The following ASTN2 variants were observed in gnomAD, a reference collection of about 807,000 sequenced individuals.
ASTN2 encodes the protein astrotactin-2.
In ASTN2, 54 loss-of-function variants were observed where a neutral mutation model predicts 139.8. The observed-to-expected ratio is 0.39, with a 90% CI of 0.31 to 0.48. The LOEUF is 0.48. Ranked by LOEUF, ASTN2 falls within the 20% of genes least tolerant of loss-of-function variation. The probability of loss-of-function intolerance (pLI) is 0.95; values close to 1 mark genes in which losing one functional copy is unlikely to be tolerated. For missense variants in ASTN2, 1,565 were observed against 1,725.1 expected (o/e 0.91, Z 1.64); for synonymous variants, 756 against 719.5 (o/e 1.05, Z -0.81).
At chr9:116,695,485 G>T (rs915676008) in intron 16 of ASTN2, among the ~76,000 whole-genome samples, 2 of 152,184 alleles carry the variant, frequency 1.3e-5, no homozygotes, top group African/African-American at 4.8e-5. Context: ...TTGTTGTAAT[G>T]TATATCTCTA....
chr9:117,072,251 C>A (rs1828156867), intron 5 of ASTN2, among the ~76,000 whole-genome samples: 1 of 152,168 alleles, frequency 6.6e-6, no homozygotes, highest in Non-Finnish European at 1.5e-5. Flanking sequence ...AGCACACATC[C>A]TTGAATTTAT....
intron 13 of ASTN2, among the ~76,000 whole-genome samples, chr9:116,766,956 C>T (rs1013066427): frequency 8.6e-5 from 13 of 151,874 alleles, no homozygotes; most frequent in Non-Finnish European, 1.5e-4. Flanking sequence ...TACACCTAAA[C>T]ACAGTAACAT....
At chr9:116,915,227 TA>T (rs1310214953) in intron 10 of ASTN2, among the ~76,000 whole-genome samples, 1 of 152,224 alleles carries the variant, frequency 6.6e-6, no homozygotes, top group Non-Finnish European at 1.5e-5. Context: ...CTAGACTCCC[TA>T]AAAGACCAAA....
intron 13 of ASTN2, among the ~76,000 whole-genome samples, chr9:116,756,466 G>A (rs1185435520): frequency 1.3e-5 from 2 of 152,030 alleles, no homozygotes; most frequent in East Asian, 1.9e-4. Context: ...TTCTCAATAA[G>A]TAATATTAAT....
intron 1 of ASTN2, among the ~76,000 whole-genome samples, chr9:117,344,673 A>G (rs1829161850): frequency 6.6e-6 from 1 of 152,046 alleles, no homozygotes; most frequent in Non-Finnish European, 1.5e-5. Flanking sequence ...CTCCTCAATG[A>G]TTTATTTTGT....
intron 10 of ASTN2, among the ~76,000 whole-genome samples, chr9:116,936,576 T>G (rs754495804): frequency 2.6e-5 from 4 of 152,210 alleles, no homozygotes; most frequent in Non-Finnish European, 5.9e-5. Context: ...TTTATTAGAT[T>G]GCTGAAACTG....
intron 18 of ASTN2, 149 bp from the exon 19 acceptor site, chr9:116,618,621 C>T: frequency 2.3e-6 from 2 of 880,028 alleles, no homozygotes; most frequent in Admixed American, 6.5e-5. Context: ...TGACCGTAGG[C>T]AAGTTATTTC....
At chr9:117,016,645 T>C (rs1287677708) in intron 6 of ASTN2, among the ~76,000 whole-genome samples, 11 of 22,014 alleles carry the variant, frequency 5.0e-4, no homozygotes, top group East Asian at 1.6e-3. Context: ...TATATATATA[T>C]ATATATATAT....
intron 1 of ASTN2, among the ~76,000 whole-genome samples, chr9:117,309,630 C>T (rs1827905746): frequency 6.6e-6 from 1 of 152,112 alleles, no homozygotes; most frequent in Non-Finnish European, 1.5e-5. Flanking sequence ...ATTAGCAATC[C>T]TAATTTACAG....
At position 117,120,049 on chromosome 9, in the gene ASTN2, T is replaced by TATATATATATATATATATATAC. The variant is rs1433485798; in HGVS notation, c.1168+21276_1168+21277insGTATATATATATATATATATAT. 8.0e-4 allele frequency among the ~76,000 whole-genome samples: 103 copies of TATATATATATATATATATATAC among 129,296 alleles called. 5 individuals are homozygous for TATATATATATATATATATATAC. Among genetic ancestry groups the TATATATATATATATATATATAC allele is most frequent in the African/African-American group, 3.0e-3 (96 of 31,726 alleles). The allele number at this position is 129,296 out of a possible 152,430, so 84.8% of individuals were successfully genotyped here. ...ATATATATATATATATATATATATA[T>TATATATATATATATATATATAC]ACCCTGAGTATATATACTCAGAGAT... On this transcript the variant is annotated intron_variant, in intron 4 of 22. Transcript: ENST00000313400.
At chr9:116,551,118 T>C (rs566440528) in intron 19 of ASTN2, 1 of 152,246 alleles carries the variant, frequency 6.6e-6, no homozygotes, top group African/African-American at 2.4e-5. Context: ...TTAGTAGACA[T>C]AAAAATCACC....
intron 20 of ASTN2, among the ~76,000 whole-genome samples, chr9:116,455,532 T>G (rs1464181353): frequency 1.3e-5 from 2 of 152,020 alleles, no homozygotes; most frequent in African/African-American, 4.8e-5. Flanking sequence ...AATATAAACA[T>G]AAGACTATTC....
At chr9:116,621,414 TACACAC>T (rs56109422) in intron 17 of ASTN2, among the ~76,000 whole-genome samples, 3 of 142,258 alleles carry the variant, frequency 2.1e-5, no homozygotes, top group East Asian at 2.2e-4. Context: ...TTAAAACACA[TACACAC>T]ACACACACAC....
chr9:117,338,061 T>C (rs988626794), intron 1 of ASTN2, among the ~76,000 whole-genome samples: 1 of 152,244 alleles, frequency 6.6e-6, no homozygotes, highest in Non-Finnish European at 1.5e-5. Flanking sequence ...CGCATTTATC[T>C]ATCTACAACT....
intron 10 of ASTN2, among the ~76,000 whole-genome samples, chr9:116,927,282 C>T (rs1274256048): frequency 6.6e-6 from 1 of 152,162 alleles, no homozygotes; most frequent in Non-Finnish European, 1.5e-5. Flanking sequence ...AGACTGGTTT[C>T]TACTGTTAAA....
chr9:117,372,939 A>G (rs1394846324), intron 1 of ASTN2, among the ~76,000 whole-genome samples: 3 of 152,090 alleles, frequency 2.0e-5, no homozygotes, highest in Non-Finnish European at 4.4e-5. Flanking sequence ...TGGTTCTAAC[A>G]CTTCTTAGAT....
chr9:116,791,016 AAAGAAAG>A lies in ASTN2; in HGVS notation c.2396+14609_2396+14615del, dbSNP rs1369732544. Reference sequence around the variant, plus strand: ...GAAAGAAAGAAAGAAAGAAAGAAAGAAAGAAAGAAAGAAAGAAAGAAAGAAAGAAAAG... The same window carrying A: ...GAAAGAAAGAAAGAAAGAAAGAAAGAAAAGAAAGAAAGAAAGAAAGAAAAG... On this transcript the variant is annotated intron_variant, in intron 13 of 22. Transcript: ENST00000313400. Among the ~76,000 whole-genome samples the A allele has an allele frequency of 1.7e-3, 220 of 129,520 alleles. 1 individual carries two copies. The highest frequency in any genetic ancestry group is 5.9e-3 in the African/African-American group (209 of 35,420). 85.0% of individuals were successfully genotyped at this position (129,520 alleles called of 152,430 possible).
In ASTN2 at chr9:116,964,252, T is replaced by C. The variant is rs1231001468; in HGVS notation, c.1889+10956A>G. Among the ~76,000 whole-genome samples, 740 of 128,966 alleles carry C rather than the reference T, an allele frequency of 5.7e-3. 5 individuals are homozygous for C. The highest frequency in any genetic ancestry group is 0.018 in the African/African-American group (581 of 32,440). The allele number at this position is 128,966 out of a possible 152,430, so 84.6% of individuals were successfully genotyped here. A position where few individuals can be genotyped will look rare whatever the true frequency, so the allele number is the denominator to read the frequency against. ...GTGTGTGTGTGTGTGTGTGTGTGTG[T>C]GTGTGCGCGCGCGCGCGTGTGTGTT... On this transcript the variant is annotated intron_variant, in intron 10 of 22. Coordinates refer to ENST00000313400, the MANE Select transcript of ASTN2 (RefSeq NM_001365068.1).
chr9:116,966,543 G>A (rs1836015098), intron 10 of ASTN2, among the ~76,000 whole-genome samples: 1 of 152,100 alleles, frequency 6.6e-6, no homozygotes, highest in Non-Finnish European at 1.5e-5. Flanking sequence ...CTTTTATTAT[G>A]ATTGCTAAGG....
Sources: allele counts gnomAD v4.1 joint callset (sites outside exome capture counted in the v4.1 genomes callset), GRCh38; gene constraint gnomAD v4.1.1; transcripts MANE v1.5; gene names NCBI Gene and HGNC (gene_info 2026-07-23, HGNC 2026-07-21).